Variants in TRRAP observed in about 807,000 individuals in gnomAD.
TRRAP encodes the protein transformation/transcription domain-associated protein.
TRRAP carries 41 observed loss-of-function variants against 438.8 expected under a neutral mutation model. The ratio of observed to expected loss-of-function variants is 0.09; its 90% CI spans 0.07 to 0.12. The LOEUF (loss-of-function observed/expected upper bound fraction) is 0.12. Ranked by LOEUF, TRRAP falls within the 10% of genes least tolerant of loss-of-function variation. The pLI, the probability that TRRAP is intolerant of heterozygous loss-of-function variation, is 1.00. For synonymous variants in TRRAP, 1,994 were observed against 1,962.9 expected (o/e 1.02, Z -0.42); for missense variants, 3,122 against 5,055.1 (o/e 0.62, Z 11.60).
chr7:98,907,805 C>T (rs1050446245), intron 13 of TRRAP, among the ~76,000 whole-genome samples: 2 of 149,194 alleles, frequency 1.3e-5, no homozygotes, highest in African/African-American at 5.1e-5. Context: ...CATCCCTGAC[C>T]TGCTTCAGCC....
At chr7:98,946,896 G>C (rs1332658317) in intron 33 of TRRAP, among the ~76,000 whole-genome samples, 1 of 152,260 alleles carries the variant, frequency 6.6e-6, no homozygotes, top group Non-Finnish European at 1.5e-5. Context: ...ATAATTTCAG[G>C]ATAGAACTTA....
intron 7 of TRRAP, among the ~76,000 whole-genome samples, chr7:98,897,339 C>T (rs1385962157): frequency 6.6e-6 from 1 of 152,180 alleles, no homozygotes; most frequent in Non-Finnish European, 1.5e-5. Context: ...AGTTTCTTCC[C>T]AGAAGGGATG....
chr7:98,899,001 A>T (rs1227122435), intron 8 of TRRAP, among the ~76,000 whole-genome samples: 1 of 152,206 alleles, frequency 6.6e-6, no homozygotes, highest in Non-Finnish European at 1.5e-5. Flanking sequence ...CAGCCTGGCC[A>T]ACATGGCAAA....
intron 9 of TRRAP, 53 bp from the exon 10 acceptor site, chr7:98,899,626 T>C: frequency 6.2e-7 from 1 of 1,609,020 alleles, no homozygotes; most frequent in Admixed American, 1.7e-5. Flanking sequence ...ATGCCAGATT[T>C]TGTCGCCATA....
rs568201116 is a variant in TRRAP, at chr7:98,980,200, T to C, written c.8634+1296T>C. On this transcript the variant is annotated intron_variant, in intron 58 of 72. Coordinates refer to ENST00000456197, the MANE Select transcript of TRRAP (RefSeq NM_001375524.1). ...ATGTCAAAAACAAGCCACAGTGTCA[T>C]ATAATTGTGGGGTGGTGTCATTATT... 5.9e-5 allele frequency among the ~76,000 whole-genome samples: 9 copies of C among 152,334 alleles called. No individual in the cohort carries two copies. The South Asian group carries it at 1.4e-3, about 25-fold the overall frequency.
intron 3 of TRRAP, among the ~76,000 whole-genome samples, chr7:98,889,340 C>T (rs1209867259): frequency 2.6e-5 from 4 of 152,046 alleles, no homozygotes; most frequent in African/African-American, 4.8e-5. Flanking sequence ...ACAACACTTC[C>T]GAGCATTTCC....
intron 67 of TRRAP, among the ~76,000 whole-genome samples, chr7:99,002,777 T>A (rs1197802835): frequency 1.3e-5 from 2 of 152,172 alleles, no homozygotes; most frequent in African/African-American, 2.4e-5. Flanking sequence ...CCAATGACAT[T>A]TGTGGACAGC....
chr7:98,955,255 C>T lies in TRRAP; in HGVS notation c.5888C>T (p.Thr1963Ile), dbSNP rs782485850. 3 of 1,614,124 alleles carry T rather than the reference C, an allele frequency of 1.9e-6. No individual in the cohort carries two copies. The highest frequency in any genetic ancestry group is 2.5e-6 in the Non-Finnish European group (3 of 1,179,980). Residue 1963 changes from threonine (T) to isoleucine (I), a missense_variant, in exon 41 of 73, where the codon ACC (threonine) becomes ATC (isoleucine). By Grantham distance (89) the Thr-to-Ile change is moderately conservative (BLOSUM62 -1). This residue lies in a region of TRRAP where 35 missense variants were observed against 104.9 expected (regional missense o/e 0.33). Transcript: ENST00000456197. ...TRKIIVEEGHTVPQLVHILHL... is the reference protein window; with the variant it reads ...TRKIIVEEGHIVPQLVHILHL... ...AAGATCATTGTGGAGGAGGGGCACA[C>T]CGTCCCGCAGCTGGTCCACATTCTG...
chr7:98,959,274 G>A (rs550114223), intron 44 of TRRAP, 70 bp from the exon 45 acceptor site: 19 of 1,583,996 alleles, frequency 1.2e-5, no homozygotes, highest in South Asian at 8.3e-5. Flanking sequence ...CAGTTGAGAC[G>A]TGCTGTCACT....
chr7:98,923,002 T>TC (rs1650366620), intron 21 of TRRAP, among the ~76,000 whole-genome samples: 1 of 152,074 alleles, frequency 6.6e-6, no homozygotes, highest in Non-Finnish European at 1.5e-5. Flanking sequence ...AGTCAGCCTG[T>TC]CCCCCGCAAC....
At chr7:99,010,953 C>A in intron 70 of TRRAP, 99 bp from the exon 71 acceptor site, 2 of 1,241,738 alleles carry the variant, frequency 1.6e-6, no homozygotes, top group South Asian at 1.4e-5. Flanking sequence ...AGAATTTGCT[C>A]TTGGTGCTAA....
At position 98,964,714 on chromosome 7, in the gene TRRAP, G is replaced by T; in HGVS notation, c.6915G>T (p.Gln2305His). The change falls in exon 48 of 73, where the codon CAG becomes CAT. Residue 2305 changes from glutamine to histidine, a missense_variant. Gln to His is a conservative substitution (Grantham distance 24, BLOSUM62 0). Transcript: ENST00000456197. ...TCTCCGTCTTTATGCGCTCCCTGCAGAAGATGGTCCGGGAGCATTTAAACC... is the reference window on the plus strand; with the variant it reads ...TCTCCGTCTTTATGCGCTCCCTGCATAAGATGGTCCGGGAGCATTTAAACC... ...RLISVFMRSL[Q>H]KMVREHLNPQ... The T allele has an allele frequency of 6.2e-7, 1 of 1,613,968 alleles. No homozygotes were observed. The highest frequency in any genetic ancestry group is 8.5e-7 in the Non-Finnish European group (1 of 1,179,970).
intron 30 of TRRAP, among the ~76,000 whole-genome samples, chr7:98,941,024 A>T (rs1790772550): frequency 6.6e-6 from 1 of 152,292 alleles, no homozygotes; most frequent in South Asian, 2.1e-4. Flanking sequence ...TTAGAGTTTT[A>T]GCTCTTACAT....
intron 28 of TRRAP, among the ~76,000 whole-genome samples, chr7:98,936,362 G>T (rs957597064): frequency 1.3e-5 from 2 of 152,196 alleles, no homozygotes; most frequent in Non-Finnish European, 2.9e-5. Flanking sequence ...AAAGCCAACA[G>T]GGGGACCAGG....
chr7:98,913,346 G>A (rs1195699078), intron 18 of TRRAP, among the ~76,000 whole-genome samples: 1 of 151,772 alleles, frequency 6.6e-6, no homozygotes, highest in Non-Finnish European at 1.5e-5. Context: ...CTGGAGTGCA[G>A]TGGAGTGATC....
intron 19 of TRRAP, among the ~76,000 whole-genome samples, chr7:98,916,349 G>A (rs1257880118): frequency 6.6e-6 from 1 of 152,194 alleles, no homozygotes; most frequent in Non-Finnish European, 1.5e-5. Context: ...CCAGAATCCT[G>A]TAATTCCTGT....
Position 98,949,675 on chromosome 7 carries a change from G to A in TRRAP, c.4969G>A (p.Val1657Met), listed in dbSNP as rs1554417727. 3 of 1,613,496 alleles carry A rather than the reference G, an allele frequency of 1.9e-6. No homozygotes were observed. Among genetic ancestry groups the A allele is most frequent in the Non-Finnish European group, 2.5e-6 (3 of 1,179,788 alleles). ...FQAIKIISIIVKNDDSWLASQ... is the reference protein window; with the variant it reads ...FQAIKIISIIMKNDDSWLASQ... ...TCTTTGACAGATCATAAGCATTATA[G>A]TGAAAAACGATGACTCCTGGCTGGC... The change falls in exon 37 of 73, where the codon GTG becomes ATG. Residue 1657 changes from valine to methionine, a missense_variant. This residue lies in a region of TRRAP where 272 missense variants were observed against 348.5 expected (regional missense o/e 0.78). Coordinates refer to ENST00000456197, the MANE Select transcript of TRRAP (RefSeq NM_001375524.1).
chr7:98,937,243 A>G lies in TRRAP; in HGVS notation c.4199A>G (p.Glu1400Gly), dbSNP rs1554414459. Residue 1400 changes from glutamate (E) to glycine (G), a missense_variant, in exon 29 of 73, where the codon GAG (glutamate) becomes GGG (glycine). By Grantham distance (98) the Glu-to-Gly change is moderately conservative. Coordinates refer to ENST00000456197, the MANE Select transcript of TRRAP (RefSeq NM_001375524.1). ...LFKALNSTNS[E>G]LQEAGEACMR... ...AAAGCCCTGAATTCCACCAATAGTG[A>G]GCTCCAAGAGGCCGGAGAAGCCTGT... 1.9e-6 allele frequency: 3 copies of G among 1,613,444 alleles called. No homozygotes were observed. The highest frequency in any genetic ancestry group is 1.7e-4 in the Middle Eastern group (1 of 6,058).
chr7:98,903,656 T>A, intron 12 of TRRAP, 139 bp downstream of exon 12: 2 of 1,231,876 alleles, frequency 1.6e-6, no homozygotes, highest in South Asian at 3.0e-5. Context: ...GTTCATTCTT[T>A]CCCCTCTTTT....
Sources: gnomAD v4.1 joint callset for allele counts (sites outside exome capture counted in the v4.1 genomes callset) on GRCh38, gnomAD v4.1.1 for gene constraint, gnomAD v4.1.1 regional missense constraint, MANE v1.5 for transcripts, NCBI Gene and HGNC (gene_info 2026-07-23, HGNC 2026-07-21) for gene names.